Variants in B4GALT1 observed in about 807,000 individuals in gnomAD.
B4GALT1 encodes N-acetyllactosamine synthase.
A neutral mutation model predicts 34.9 loss-of-function variants in B4GALT1; 16 were observed. The observed-to-expected ratio is 0.46, with a 90% CI of 0.31 to 0.70. The LOEUF (loss-of-function observed/expected upper bound fraction) is 0.70, where lower values mean the gene tolerates loss of function less well. Ranked by LOEUF, B4GALT1 falls within the 30% of genes least tolerant of loss-of-function variation. The pLI is 0.05. For missense variants in B4GALT1, 445 were observed against 530.5 expected (o/e 0.84, Z 1.58); for synonymous variants, 221 against 218.1 (o/e 1.01, Z -0.12).
rs1296251627 is a variant in B4GALT1, at chr9:33,112,335, A to T, written c.*1119T>A. The T allele has an allele frequency of 6.6e-6, 1 of 152,196 alleles. No homozygotes were observed. The highest frequency in any genetic ancestry group is 2.4e-5 in the African/African-American group (1 of 41,406). 9.4% of individuals were successfully genotyped at this position (152,196 alleles called of 1,614,324 possible). A position where few individuals can be genotyped will look rare whatever the true frequency, so the allele number is the denominator to read the frequency against. ...CTCCCTCCGCCCTGCCCACCTGGGG[A>T]GGGTTGGGGAAGTGGAGAGTTCTGC... On this transcript the variant is annotated 3_prime_UTR_variant, in exon 6 of 6. Coordinates refer to ENST00000379731, the MANE Select transcript of B4GALT1 (RefSeq NM_001497.4).
chr9:33,136,932 A>G (rs956747390), intron 1 of B4GALT1, among the ~76,000 whole-genome samples: 2 of 152,196 alleles, frequency 1.3e-5, no homozygotes, highest in African/African-American at 4.8e-5. Flanking sequence ...TCTGAATTCA[A>G]CAGCTTGAGA....
chr9:33,176,482 C>T, the B4GALT1 span, among the ~76,000 whole-genome samples: 6 of 152,100 alleles, frequency 3.9e-5, no homozygotes, highest in South Asian at 2.1e-4. Flanking sequence ...GTTTAGGAGG[C>T]GCTGTTTTAA....
chr9:33,171,026 C>T (rs1042238522), upstream of B4GALT1, among the ~76,000 whole-genome samples: 1 of 152,246 alleles, frequency 6.6e-6, no homozygotes, highest in Non-Finnish European at 1.5e-5. Context: ...CCTCCTATGG[C>T]GCCCTCTTCT....
intron 1 of B4GALT1, 103 bp downstream of exon 1, chr9:33,166,655 T>C: frequency 7.9e-7 from 1 of 1,267,810 alleles, no homozygotes; most frequent in African/African-American, 1.5e-5. Flanking sequence ...AGAGGGAGGC[T>C]GGCTGTCGTA....
At chr9:33,173,416 C>CAAAAAAAAAAAAAAGA in the B4GALT1 span, among the ~76,000 whole-genome samples, 1 of 101,224 alleles carries the variant, frequency 9.9e-6, no homozygotes. Context: ...AAAAAAAAAG[C>CAAAAAAAAAAAAAAGA]AAAAAAAAAA....
At chr9:33,128,096 CCTCT>C (rs754837121) in intron 2 of B4GALT1, among the ~76,000 whole-genome samples, 20 of 149,904 alleles carry the variant, frequency 1.3e-4, no homozygotes, top group South Asian at 4.2e-4. Context: ...GGTCGGCATT[CCTCT>C]CTCTCTCTCT....
At chr9:33,149,077 T>C (rs933813152) in intron 1 of B4GALT1, among the ~76,000 whole-genome samples, 3 of 151,566 alleles carry the variant, frequency 2.0e-5, no homozygotes, top group Non-Finnish European at 1.5e-5. Context: ...TTAACAAACA[T>C]AGAAGGAATA....
chr9:33,165,308 A>T (rs552090012), intron 1 of B4GALT1, among the ~76,000 whole-genome samples: 19 of 76,850 alleles, frequency 2.5e-4, no homozygotes, highest in Admixed American at 1.9e-3. Context: ...ATTTAGTCTT[A>T]AAAAAACCCC....
chr9:33,108,224 A>C (rs2117976038), downstream of B4GALT1, among the ~76,000 whole-genome samples: 2 of 152,280 alleles, frequency 1.3e-5, no homozygotes, highest in Middle Eastern at 6.8e-3. Context: ...ATTACACAGA[A>C]CCAGAAACTG....
chr9:33,174,979 AAAAAAAAAAAAATATATATAT>A, the B4GALT1 span, among the ~76,000 whole-genome samples: 1 of 43,298 alleles, frequency 2.3e-5, no homozygotes, highest in East Asian at 5.3e-4. Context: ...AAAAAAAAAA[AAAAAAAAAAAAATATATATAT>A]ATATATATAT....
intron 1 of B4GALT1, among the ~76,000 whole-genome samples, chr9:33,139,412 C>G (rs1840316659): frequency 6.6e-6 from 1 of 152,208 alleles, no homozygotes. Context: ...CATCATGCTT[C>G]CAACACACTG....
rs185739646 is a variant in B4GALT1, at chr9:33,127,215, G to A, written c.649-6609C>T. Among the ~76,000 whole-genome samples the A allele has an allele frequency of 8.1e-3, 1,232 of 152,146 alleles. 11 individuals carry two copies. The highest frequency in any genetic ancestry group is 0.028 in the African/African-American group (1,176 of 41,494). ...CCTGACCTAGTGATCCGCCCACCTC[G>A]GCCTCCCAAAGTACTGGGATTACAG... On this transcript the variant is annotated intron_variant, in intron 2 of 5. Transcript: ENST00000379731.
chr9:33,162,179 T>C (rs932174761), intron 1 of B4GALT1, among the ~76,000 whole-genome samples: 2 of 152,198 alleles, frequency 1.3e-5, no homozygotes, highest in Non-Finnish European at 2.9e-5. Context: ...GCAGAACTAA[T>C]GCATAGCTTC....
intron 3 of B4GALT1, 122 bp downstream of exon 3, chr9:33,120,297 T>C (rs1840001779): frequency 9.1e-7 from 1 of 1,100,512 alleles, no homozygotes; most frequent in Admixed American, 1.8e-5. Context: ...AGCACCCATT[T>C]CTCAGAGGAG....
intron 1 of B4GALT1, among the ~76,000 whole-genome samples, chr9:33,157,090 ACACACACACACG>A (rs1840605320): frequency 7.3e-6 from 1 of 136,062 alleles, no homozygotes; most frequent in Non-Finnish European, 1.6e-5. Flanking sequence ...ACACACACAC[ACACACACACACG>A]GTGTCCAGCA....
chr9:33,130,864 A>G (rs1202838632), intron 2 of B4GALT1, among the ~76,000 whole-genome samples: 2 of 152,110 alleles, frequency 1.3e-5, no homozygotes, highest in African/African-American at 4.8e-5. Flanking sequence ...GGAGCCATGA[A>G]GAATTCACCA....
chr9:33,143,714 C>A (rs1840385476), intron 1 of B4GALT1, among the ~76,000 whole-genome samples: 2 of 152,198 alleles, frequency 1.3e-5, no homozygotes, highest in South Asian at 4.1e-4. Context: ...TTAACTACCA[C>A]TTCCCTCCCA....
intron 1 of B4GALT1, among the ~76,000 whole-genome samples, chr9:33,158,006 C>G (rs920262891): frequency 6.6e-6 from 1 of 152,138 alleles, no homozygotes; most frequent in African/African-American, 2.4e-5. Context: ...CATCCACCTG[C>G]TAAAATTTTT....
downstream of B4GALT1, among the ~76,000 whole-genome samples, chr9:33,109,168 G>A (rs1192358609): frequency 6.6e-6 from 1 of 152,240 alleles, no homozygotes; most frequent in Non-Finnish European, 1.5e-5. Flanking sequence ...TGAAGGTTGA[G>A]CTGACTGGCA....
Sources: allele counts gnomAD v4.1 joint callset (sites outside exome capture counted in the v4.1 genomes callset), GRCh38; gene constraint gnomAD v4.1.1; transcripts MANE v1.5; gene names NCBI Gene and HGNC (gene_info 2026-07-23, HGNC 2026-07-21).